Variants in PPIL2 observed in about 807,000 individuals in gnomAD.
PPIL2 encodes the protein RING-type E3 ubiquitin-protein ligase PPIL2.
Under a neutral mutation model 75.2 loss-of-function variants are expected in PPIL2, and 50 were observed. The observed-to-expected ratio is 0.66, with a 90% CI of 0.53 to 0.84. The LOEUF is 0.84. PPIL2 is among the 40% of genes least tolerant of loss of function. The probability of loss-of-function intolerance (pLI) is 0.00; values close to 1 mark genes in which losing one functional copy is unlikely to be tolerated. For missense variants in PPIL2, 590 were observed against 685.0 expected (o/e 0.86, Z 1.55); for synonymous variants, 245 against 258.8 (o/e 0.95, Z 0.51).
intron 1 of PPIL2, chr22:21,669,297 G>A (rs1270072107): frequency 4.8e-6 from 2 of 418,136 alleles, no homozygotes; most frequent in Non-Finnish European, 9.8e-6. Flanking sequence ...ACAGGTGTGA[G>A]CTGTCACACC....
In PPIL2 at chr22:21,673,775, G is replaced by T. The variant is rs1022256584; in HGVS notation, c.244-1289G>T. 3.2e-4 allele frequency among the ~76,000 whole-genome samples: 48 copies of T among 152,342 alleles called. 1 individual carries two copies. Among genetic ancestry groups the T allele is most frequent in the African/African-American group, 1.1e-3 (44 of 41,574 alleles). On this transcript the variant is annotated intron_variant, in intron 5 of 19. Transcript: ENST00000398831. ...TATGGGTGTCAGCAGAGCCTTGCTA[G>T]CCAAACCTCTGAGGAGAGTTCCTGG... is the stretch of plus-strand genomic sequence containing the variant.
At chr22:21,667,129 A>C (rs390720) in intron 1 of PPIL2, among the ~76,000 whole-genome samples, 144,785 of 147,718 alleles carry the variant, frequency 0.98, 71,035 homozygotes, top group African/African-American at 1. Flanking sequence ...GTTGCTAAAT[A>C]TAGTATTCAA....
Position 21,696,105 on chromosome 22 carries a change from CT to C in PPIL2, c.*617del. On this transcript the variant is annotated 3_prime_UTR_variant, in exon 20 of 20. Coordinates refer to ENST00000398831, the MANE Select transcript of PPIL2 (RefSeq NM_014337.4). Reference sequence around the variant, plus strand: ...CTGGGACAAGTTTTCAGACCCCAGACTTACTGAGCCTAAGCCTCTGCAGGGT... The same window carrying C: ...CTGGGACAAGTTTTCAGACCCCAGACTACTGAGCCTAAGCCTCTGCAGGGT... 1 of 979,802 alleles carries C rather than the reference CT, an allele frequency of 1.0e-6. No homozygotes were observed. Among genetic ancestry groups the C allele is most frequent in the Non-Finnish European group, 1.2e-6 (1 of 820,832 alleles). 60.7% of individuals were successfully genotyped at this position (979,802 alleles called of 1,614,324 possible).
At chr22:21,690,264 G>T (rs1188593811) in intron 15 of PPIL2, among the ~76,000 whole-genome samples, 1 of 152,046 alleles carries the variant, frequency 6.6e-6, no homozygotes, top group Non-Finnish European at 1.5e-5. Context: ...TGCGCCTGTA[G>T]TCCCAGCTGC....
chr22:21,677,878 G>A (rs1372088048), intron 6 of PPIL2, among the ~76,000 whole-genome samples: 1 of 152,196 alleles, frequency 6.6e-6, no homozygotes, highest in Non-Finnish European at 1.5e-5. Flanking sequence ...AGCAGGGGGA[G>A]GGGAGAGGGC....
intron 6 of PPIL2, among the ~76,000 whole-genome samples, chr22:21,676,243 AGTGTGTGTGTGTGTGTGTGTGT>A (rs36131221): frequency 7.7e-6 from 1 of 130,510 alleles, no homozygotes; most frequent in African/African-American, 2.9e-5. Flanking sequence ...TGTGATCAGC[AGTGTGTGTGTGTGTGTGTGTGT>A]GTGTGTGTGT....
intron 15 of PPIL2, among the ~76,000 whole-genome samples, chr22:21,692,388 T>G (rs996396440): frequency 6.6e-6 from 1 of 151,394 alleles, no homozygotes; most frequent in Non-Finnish European, 1.5e-5. Flanking sequence ...TCTCCTGACC[T>G]TGTGATCCGC....
In PPIL2 at chr22:21,682,520, C is replaced by T. The variant is rs1228489668; in HGVS notation, c.471C>T (p.Thr157=). Residue 157 remains threonine, a synonymous_variant, in exon 8 of 20, where the codon ACC becomes ACT. Transcript: ENST00000398831. ...CCTTCTCCCGGCAGGACATCATCAC[C>T]CTCCAGGTGAGTGTCCCCTGCCTGC... is the stretch of plus-strand genomic sequence containing the variant. ...DEPFSRQDII[T]LQDPTNLDKF... is the part of the protein sequence containing the mutation. 9.9e-6 allele frequency: 16 copies of T among 1,613,218 alleles called. No homozygotes were observed. The South Asian group carries it at 1.2e-4, about 12-fold the overall frequency.
chr22:21,690,957 C>CTTTTTTTTT (rs34639269), intron 15 of PPIL2, among the ~76,000 whole-genome samples: 12 of 64,700 alleles, frequency 1.9e-4, no homozygotes, highest in Non-Finnish European at 2.2e-4. Flanking sequence ...GCCACCTTCT[C>CTTTTTTTTT]TTTTTTTTTT....
chr22:21,687,608 C>G (rs1048279878), intron 12 of PPIL2, 35 bp from the exon 13 acceptor site: 7 of 1,055,160 alleles, frequency 6.6e-6, no homozygotes, highest in Non-Finnish European at 6.9e-6. Context: ...TTTGGCAGCT[C>G]TCTGCTTCAT....
chr22:21,692,880 C>T (rs918584664), intron 15 of PPIL2, among the ~76,000 whole-genome samples: 32 of 149,868 alleles, frequency 2.1e-4, no homozygotes, highest in Non-Finnish European at 4.3e-4. Flanking sequence ...GAACCGACAT[C>T]GCGCCACTGC....
At chr22:21,698,223 C>T (rs200298559), downstream of PPIL2, 5 of 97,340 alleles carry the variant, frequency 5.1e-5, no homozygotes, top group African/African-American at 2.2e-4. Context: ...AGAAGCCCAA[C>T]AAAAAAAAAG....
chr22:21,691,728 G>A (rs981801881), intron 15 of PPIL2, among the ~76,000 whole-genome samples: 1 of 152,120 alleles, frequency 6.6e-6, no homozygotes, highest in African/African-American at 2.4e-5. Context: ...CTTGCCTCAG[G>A]ATGGTTCTTT....
chr22:21,686,945 G>A lies in PPIL2; in HGVS notation c.844G>A (p.Val282Met), dbSNP rs1270834505. ...CCAGTTTGTGAAGAAGAAGGGCTAC[G>A]TGCGGCTGCACACCAACAAGGGCGA... ...RYQFVKKKGYVRLHTNKGDLN... is the reference protein window; with the variant it reads ...RYQFVKKKGYMRLHTNKGDLN... Residue 282 changes from valine (V) to methionine (M), a missense_variant, in exon 12 of 20, where the codon GTG becomes ATG. By Grantham distance (21) the Val-to-Met change is conservative. Transcript: ENST00000398831. The A allele has an allele frequency of 1.2e-6, 2 of 1,613,978 alleles. No homozygotes were observed. The highest frequency in any genetic ancestry group is 1.3e-5 in the African/African-American group (1 of 74,926).
rs1314394760 is a variant in PPIL2, at chr22:21,681,345, C to A, written c.342C>A (p.Thr114=). Residue 114 remains threonine, a synonymous_variant, in exon 7 of 20, where the codon ACC becomes ACA. Coordinates refer to ENST00000398831, the MANE Select transcript of PPIL2 (RefSeq NM_014337.4). ...TGTTTACCGTGTTCACCAACAACAC[C>A]CACATCGTGGCTGTGAGGACGACCG... ...PVLFTVFTNN[T]HIVAVRTTGN... is the part of the protein sequence containing the mutation. 1 of 1,614,066 alleles carries A rather than the reference C, an allele frequency of 6.2e-7. No homozygotes were observed. The highest frequency in any genetic ancestry group is 8.5e-7 in the Non-Finnish European group (1 of 1,180,014).
intron 15 of PPIL2, 29 bp from the exon 16 acceptor site, chr22:21,693,787 C>T (rs1659383428): frequency 1.3e-6 from 2 of 1,524,360 alleles, no homozygotes; most frequent in Non-Finnish European, 9.1e-7. Flanking sequence ...GTGCCATGCT[C>T]TCCCTAACCA....
intron 15 of PPIL2, among the ~76,000 whole-genome samples, chr22:21,692,046 C>G (rs1252577723): frequency 7.0e-6 from 1 of 143,126 alleles, no homozygotes; most frequent in Non-Finnish European, 1.6e-5. Flanking sequence ...CGCCGGGACC[C>G]ACCCCATGTC....
chr22:21,677,481 G>A (rs971171306), intron 6 of PPIL2, among the ~76,000 whole-genome samples: 4 of 152,234 alleles, frequency 2.6e-5, no homozygotes, highest in African/African-American at 7.2e-5. Flanking sequence ...GGTCACTCGC[G>A]GTTAGGAGCT....
Position 21,681,303 on chromosome 22 carries a change from G to T in PPIL2, c.300G>T (p.Lys100Asn). 1 of 1,613,306 alleles carries T rather than the reference G, an allele frequency of 6.2e-7. No individual in the cohort carries two copies. Among genetic ancestry groups the T allele is most frequent in the Non-Finnish European group, 8.5e-7 (1 of 1,179,206 alleles). ...CTGTGTGTGCCTTCTCTCTAGGGAA[G>T]TACCACTGCCCAGTGCTGTTTACCG... ...KLNFSKNSEG[K>N]YHCPVLFTVF... Residue 100 changes from lysine to asparagine, a missense_variant, in exon 7 of 20, where the codon AAG becomes AAT. By Grantham distance (94) the Lys-to-Asn change is moderately conservative. Transcript: ENST00000398831.
Sources: allele counts gnomAD v4.1 joint callset (sites outside exome capture counted in the v4.1 genomes callset), GRCh38; gene constraint gnomAD v4.1.1; transcripts MANE v1.5; gene names NCBI Gene and HGNC (gene_info 2026-07-23, HGNC 2026-07-21).